CXCL13: variants seen among roughly 807,000 people sequenced by gnomAD.
CXCL13 encodes C-X-C motif chemokine ligand 13.
In CXCL13, 7 loss-of-function variants were observed where a neutral mutation model predicts 12.2. The observed-to-expected ratio is 0.57, with a 90% CI of 0.33 to 1.07. The LOEUF is 1.07. CXCL13 is among the 50% of genes least tolerant of loss of function. CXCL13 has a pLI of 0.04. For missense variants in CXCL13, 113 were observed against 127.4 expected (o/e 0.89, Z 0.55); for synonymous variants, 47 against 42.4 (o/e 1.11, Z -0.42).
rs143153727 is a variant in CXCL13, at chr4:77,544,568, T to A, written c.-43+32780T>A. On this transcript the variant is annotated intron_variant, in intron 1 of 4. Transcript: ENST00000286758. ...TCTTCTGAGAAGTGTCTGTTCATAT[T>A]CTTTGCCCACTTTTTGATGGGGTTG... is the stretch of plus-strand genomic sequence containing the variant. Among the ~76,000 whole-genome samples, 1,105 of 152,256 alleles carry A rather than the reference T, an allele frequency of 7.3e-3. 14 individuals carry two copies. Among genetic ancestry groups the A allele is most frequent in the African/African-American group, 0.024 (1,008 of 41,558 alleles).
chr4:77,572,134 C>A (rs1479320261), intron 1 of CXCL13, among the ~76,000 whole-genome samples: 1 of 151,932 alleles, frequency 6.6e-6, no homozygotes, highest in East Asian at 1.9e-4. Flanking sequence ...CAAGAACCCA[C>A]CAATTCCGGA....
At chr4:77,600,597 A>T (rs139835084) in intron 1 of CXCL13, among the ~76,000 whole-genome samples, 4 of 152,364 alleles carry the variant, frequency 2.6e-5, no homozygotes, top group African/African-American at 4.8e-5. Flanking sequence ...GAGAAACAAG[A>T]TGAGTATTTT....
chr4:77,524,199 G>C (rs1218395758), intron 1 of CXCL13, among the ~76,000 whole-genome samples: 2 of 152,204 alleles, frequency 1.3e-5, no homozygotes, highest in African/African-American at 4.8e-5. Context: ...GGACCCACTT[G>C]AGGAGGTAGT....
intron 1 of CXCL13, among the ~76,000 whole-genome samples, chr4:77,599,981 C>T (rs545501866): frequency 1.1e-4 from 17 of 152,168 alleles, no homozygotes; most frequent in South Asian, 2.1e-4. Context: ...GGATTAAAGG[C>T]GATGAAGGAG....
intron 1 of CXCL13, among the ~76,000 whole-genome samples, chr4:77,587,970 G>C (rs1726519179): frequency 6.6e-6 from 1 of 152,186 alleles, no homozygotes; most frequent in Non-Finnish European, 1.5e-5. Flanking sequence ...TCACTACCCT[G>C]TCCTTGCCTG....
chr4:77,600,764 C>T (rs1223653803), intron 1 of CXCL13, among the ~76,000 whole-genome samples: 1 of 152,166 alleles, frequency 6.6e-6, no homozygotes, highest in African/African-American at 2.4e-5. Context: ...GATCTCATGC[C>T]AGAGGACCAA....
intron 1 of CXCL13, among the ~76,000 whole-genome samples, chr4:77,544,374 G>C (rs1725298590): frequency 6.6e-6 from 1 of 152,126 alleles, no homozygotes; most frequent in South Asian, 2.1e-4. Flanking sequence ...CAGTGTAAAA[G>C]TGTTCCTATT....
rs192513956 is a variant in CXCL13 at position 77,597,273 on chromosome 4, T to C, written c.-42-8551T>C. Among the ~76,000 whole-genome samples, 337 of 152,330 alleles carry C rather than the reference T, an allele frequency of 2.2e-3. 2 individuals are homozygous for C. Among genetic ancestry groups the C allele is most frequent in the African/African-American group, 7.9e-3 (328 of 41,578 alleles). The stretch of plus-strand genomic sequence containing the variant: ...GCTCTGTAGACTTCCCAGCTAATTG[T>C]GTAAATCATATTTTTTTTAATGTAT... On this transcript the variant is annotated intron_variant, in intron 1 of 4. Transcript: ENST00000286758.
intron 1 of CXCL13, among the ~76,000 whole-genome samples, chr4:77,577,109 C>T (rs1168434329): frequency 1.3e-5 from 2 of 152,134 alleles, no homozygotes; most frequent in East Asian, 3.9e-4. Context: ...AATTATCCTG[C>T]AAATCTTGCC....
rs747589194 is a variant in CXCL13 at position 77,605,857 on chromosome 4, C to G, written c.-9C>G. On this transcript the variant is annotated 5_prime_UTR_variant, in exon 1 of 4. Coordinates refer to ENST00000682537, the MANE Select transcript of CXCL13 (RefSeq NM_001371558.1). ...CAGAGCTCAAGTCTGAACTCTACCT[C>G]CAGACAGAATGAAGTTCATCTCGAC... 1.9e-6 allele frequency: 3 copies of G among 1,599,920 alleles called. No individual in the cohort carries two copies. The African/African-American group carries it at 4.0e-5, about 21-fold the overall frequency.
At chr4:77,567,376 A>T (rs1204804167) in intron 1 of CXCL13, among the ~76,000 whole-genome samples, 1 of 152,192 alleles carries the variant, frequency 6.6e-6, no homozygotes, top group Non-Finnish European at 1.5e-5. Context: ...CAACATTGGG[A>T]TTCCAAGACA....
At chr4:77,572,982 G>C (rs1726123994) in intron 1 of CXCL13, among the ~76,000 whole-genome samples, 1 of 150,288 alleles carries the variant, frequency 6.7e-6, no homozygotes, top group Non-Finnish European at 1.5e-5. Context: ...ACTAACACAG[G>C]AAAAAAAAAC....
chr4:77,572,732 A>G (rs1726118574), intron 1 of CXCL13, among the ~76,000 whole-genome samples: 1 of 151,974 alleles, frequency 6.6e-6, no homozygotes, highest in Non-Finnish European at 1.5e-5. Context: ...TTTCATTACT[A>G]TGTGTATACC....
At chr4:77,595,148 G>A (rs1020557383) in intron 1 of CXCL13, among the ~76,000 whole-genome samples, 1 of 151,432 alleles carries the variant, frequency 6.6e-6, no homozygotes, top group Non-Finnish European at 1.5e-5. Context: ...TGCATATCAG[G>A]GAGGCAGCAT....
At chr4:77,546,105 A>T (rs374109220) in intron 1 of CXCL13, among the ~76,000 whole-genome samples, 1 of 152,122 alleles carries the variant, frequency 6.6e-6, no homozygotes, top group East Asian at 1.9e-4. Context: ...AGCCAACTTG[A>T]TCGTGTTGGA....
chr4:77,575,641 G>T (rs1278642519), intron 1 of CXCL13, among the ~76,000 whole-genome samples: 2 of 151,728 alleles, frequency 1.3e-5, no homozygotes, highest in African/African-American at 4.9e-5. Flanking sequence ...TTTTTTTATG[G>T]CTGCATAGTA....
At chr4:77,522,410 T>C (rs908710439) in intron 1 of CXCL13, among the ~76,000 whole-genome samples, 1 of 152,102 alleles carries the variant, frequency 6.6e-6, no homozygotes, top group Non-Finnish European at 1.5e-5. Flanking sequence ...TTAGCTCTTC[T>C]TGTTGAATTG....
intron 1 of CXCL13, among the ~76,000 whole-genome samples, chr4:77,526,309 T>C (rs745714392): frequency 6.6e-6 from 1 of 152,052 alleles, no homozygotes; most frequent in Non-Finnish European, 1.5e-5. Context: ...TAAATTAATA[T>C]ATTAAATTTA....
intron 1 of CXCL13, among the ~76,000 whole-genome samples, chr4:77,531,624 C>A (rs2109794935): frequency 6.6e-6 from 1 of 152,214 alleles, no homozygotes; most frequent in African/African-American, 2.4e-5. Context: ...TCTCATTGAT[C>A]TGTCTAATGG....
Sources: gnomAD v4.1 joint callset for allele counts (sites outside exome capture counted in the v4.1 genomes callset) on GRCh38, gnomAD v4.1.1 for gene constraint, MANE v1.5 for transcripts, NCBI Gene and HGNC (gene_info 2026-07-23, HGNC 2026-07-21) for gene names.